PRRC2C: variants seen among roughly 807,000 people sequenced by gnomAD.
PRRC2C encodes the protein protein PRRC2C.
Under a neutral mutation model 317.2 loss-of-function variants are expected in PRRC2C, and 72 were observed. That is an observed-to-expected ratio of 0.23 (90% CI 0.19 to 0.28). The LOEUF is 0.28. Ranked by LOEUF, PRRC2C falls within the 10% of genes least tolerant of loss-of-function variation. The probability of loss-of-function intolerance (pLI) is 1.00; values close to 1 mark genes in which losing one functional copy is unlikely to be tolerated. For missense variants in PRRC2C, 3,074 were observed against 3,459.7 expected (o/e 0.89, Z 2.80); for synonymous variants, 1,296 against 1,205.9 (o/e 1.07, Z -1.55).
chr1:171,530,932 GACTT>G (rs573979524), intron 11 of PRRC2C, among the ~76,000 whole-genome samples: 74 of 152,240 alleles, frequency 4.9e-4, no homozygotes, highest in African/African-American at 1.8e-3. Context: ...TTTACACAAA[GACTT>G]ACGCATGAAT....
At chr1:171,538,104 G>A (rs1394886411) in intron 15 of PRRC2C, among the ~76,000 whole-genome samples, 2 of 152,080 alleles carry the variant, frequency 1.3e-5, no homozygotes, top group Admixed American at 1.3e-4. Flanking sequence ...GTTTCACCGT[G>A]TTAGCCAGGA....
At chr1:171,512,711 A>G in intron 2 of PRRC2C, 1 of 294,828 alleles carries the variant, frequency 3.4e-6, no homozygotes, top group Non-Finnish European at 6.3e-6. Flanking sequence ...TGAGTTTGAA[A>G]TAGATTCTCT....
chr1:171,590,850 TTAA>T (rs1258391103), intron 34 of PRRC2C, among the ~76,000 whole-genome samples: 1 of 152,158 alleles, frequency 6.6e-6, no homozygotes, highest in Non-Finnish European at 1.5e-5. Context: ...ACATTAGAGC[TTAA>T]TAGTAGTAAT....
In PRRC2C at chr1:171,541,835, G is replaced by C; in HGVS notation, c.4369G>C (p.Val1457Leu). 6.2e-7 allele frequency: 1 copy of C among 1,613,900 alleles called. No homozygotes were observed. Among genetic ancestry groups the C allele is most frequent in the Non-Finnish European group, 8.5e-7 (1 of 1,179,900 alleles). The change falls in exon 16 of 35, where the codon GTG becomes CTG. Residue 1457 changes from valine (V) to leucine (L), a missense_variant. Coordinates refer to ENST00000647382, the MANE Select transcript of PRRC2C (RefSeq NM_001387844.1). This position sits in a 1 kb window ranked among gnomAD's most constrained non-coding sequence, Gnocchi z 4.1. ...AASKSNEVVA[V>L]PTNGTVNNVA... ...TTCAAAATCAAATGAGGTGGTAGCA[G>C]TGCCCACAAATGGCACAGTTAATAA...
intron 4 of PRRC2C, 38 bp from the exon 5 acceptor site, chr1:171,515,695 TA>T: frequency 6.7e-7 from 1 of 1,497,250 alleles, no homozygotes; most frequent in Non-Finnish European, 9.0e-7. Context: ...ATCTTCAGTA[TA>T]AAAGTTACCT....
intron 31 of PRRC2C, 28 bp downstream of exon 31, chr1:171,587,249 A>T (rs748841632): frequency 1.3e-6 from 2 of 1,543,444 alleles, no homozygotes; most frequent in Non-Finnish European, 1.8e-6. Flanking sequence ...TGCACAGGTT[A>T]TTTGAGAATT....
At chr1:171,581,621 G>A (rs1323317344) in intron 28 of PRRC2C, among the ~76,000 whole-genome samples, 1 of 152,194 alleles carries the variant, frequency 6.6e-6, no homozygotes, top group Non-Finnish European at 1.5e-5. Flanking sequence ...TTCCTTGCTT[G>A]TTCCTTAACC....
chr1:171,539,536 T>G (rs1353966819), intron 15 of PRRC2C, among the ~76,000 whole-genome samples: 5 of 152,224 alleles, frequency 3.3e-5, no homozygotes, highest in African/African-American at 1.2e-4. Context: ...TACCTATACC[T>G]ATATTTCCTA....
intron 30 of PRRC2C, among the ~76,000 whole-genome samples, chr1:171,586,479 C>T (rs775031914): frequency 9.9e-5 from 15 of 151,714 alleles, no homozygotes; most frequent in Non-Finnish European, 1.9e-4. Flanking sequence ...ATTAGAGATA[C>T]TCAACTTGTC....
In PRRC2C at chr1:171,589,372, C is replaced by G. The variant is rs1449865893; in HGVS notation, c.8203C>G (p.Leu2735Val). The change falls in exon 34 of 35, where the codon CTC (leucine) becomes GTC (valine). Residue 2735 changes from leucine (L) to valine (V), a missense_variant. Physicochemically the swap from Leu to Val is conservative, Grantham distance 32 (BLOSUM62 1). This residue lies in a region of PRRC2C where 490 missense variants were observed against 663.1 expected (regional missense o/e 0.74). Transcript: ENST00000647382. ...ATGTTTTGTTTTTTTCACTCAGATT[C>G]TCTCCCAGCCTAACCTGGTCCCTCC... The part of the protein sequence containing the change: ...PFPTQFAPQI[L>V]SQPNLVPPLV... 8.2e-7 allele frequency: 1 copy of G among 1,226,046 alleles called. No homozygotes were observed. Among genetic ancestry groups the G allele is most frequent in the Non-Finnish European group, 1.1e-6 (1 of 942,778 alleles). 75.9% of individuals were successfully genotyped at this position (1,226,046 alleles called of 1,614,324 possible).
chr1:171,545,869 A>C (rs1292686682), intron 17 of PRRC2C, among the ~76,000 whole-genome samples, 182 bp downstream of exon 17: 1 of 152,136 alleles, frequency 6.6e-6, no homozygotes, highest in South Asian at 2.1e-4. Context: ...TTAAACTAAA[A>C]TAACTCCAGC....
At chr1:171,486,024 A>C (rs1309600830) in intron 1 of PRRC2C, among the ~76,000 whole-genome samples, 1 of 150,910 alleles carries the variant, frequency 6.6e-6, no homozygotes, top group African/African-American at 2.4e-5. Context: ...CCTAGACCCC[A>C]GTCCTGGCCC....
rs757021987 is a variant in PRRC2C at position 171,566,736 on chromosome 1, A to G, written c.6451A>G (p.Ser2151Gly). 6 of 1,613,820 alleles carry G rather than the reference A, an allele frequency of 3.7e-6. No homozygotes were observed. Among genetic ancestry groups the G allele is most frequent in the Admixed American group, 1.7e-5 (1 of 59,984 alleles). The change falls in exon 22 of 35, where the codon AGC (serine) becomes GGC (glycine). Residue 2151 changes from serine (S) to glycine (G), a missense_variant. Coordinates refer to ENST00000647382, the MANE Select transcript of PRRC2C (RefSeq NM_001387844.1). ...GAAACCAAGCCCAGCTACAGTCAGAAGCACAGATCCTGTCACGACAAAGGA... is the reference window on the plus strand; with the variant it reads ...GAAACCAAGCCCAGCTACAGTCAGAGGCACAGATCCTGTCACGACAAAGGA... ...QEKPSPATVR[S>G]TDPVTTKETK...
At chr1:171,554,186 C>T (rs1036608592) in intron 18 of PRRC2C, among the ~76,000 whole-genome samples, 80 of 152,222 alleles carry the variant, frequency 5.3e-4, no homozygotes, top group Middle Eastern at 3.4e-3. Flanking sequence ...GAATAGTTAC[C>T]TCTTCTTGTT....
intron 6 of PRRC2C, among the ~76,000 whole-genome samples, chr1:171,521,868 TTG>T (rs1470049902): frequency 6.6e-6 from 1 of 152,224 alleles, no homozygotes; most frequent in Non-Finnish European, 1.5e-5. Context: ...ACATATCTCA[TTG>T]ATACAGTTAC....
At position 171,573,919 on chromosome 1, in the gene PRRC2C, C is replaced by T. The variant is rs149737879; in HGVS notation, c.6754-1008C>T. On this transcript the variant is annotated intron_variant, in intron 24 of 34. Coordinates refer to ENST00000647382, the MANE Select transcript of PRRC2C (RefSeq NM_001387844.1). ...GTCTCGAACTTCTGACCTCGTGATC[C>T]GCCTGCCTCAGCCTCTCAAAGTGCT... Among the ~76,000 whole-genome samples, 10 of 151,918 alleles carry T rather than the reference C, an allele frequency of 6.6e-5. No individual in the cohort carries two copies. In the East Asian group the frequency reaches 9.7e-4, roughly 15 times the overall value.
At chr1:171,564,390 G>A (rs1055460101) in intron 20 of PRRC2C, among the ~76,000 whole-genome samples, 2 of 152,072 alleles carry the variant, frequency 1.3e-5, no homozygotes, top group African/African-American at 4.8e-5. Context: ...ATTTAAATAT[G>A]TACAAGTTCT....
At chr1:171,571,566 C>A in intron 24 of PRRC2C, 145 bp downstream of exon 24, 1 of 640,214 alleles carries the variant, frequency 1.6e-6, no homozygotes, top group Non-Finnish European at 2.7e-6. Flanking sequence ...CAAATTATAC[C>A]TTACAGTTTT....
chr1:171,579,731 T>C, intron 27 of PRRC2C, 97 bp from the exon 28 acceptor site: 1 of 1,373,358 alleles, frequency 7.3e-7, no homozygotes, highest in East Asian at 2.4e-5. Context: ...GTATTAATTT[T>C]ACTCTTTTCA....
Sources: allele counts gnomAD v4.1 joint callset (sites outside exome capture counted in the v4.1 genomes callset), GRCh38; gene constraint gnomAD v4.1.1; regional missense constraint gnomAD v4.1.1; non-coding constraint Gnocchi (gnomAD v3.1); transcripts MANE v1.5; gene names NCBI Gene and HGNC (gene_info 2026-07-23, HGNC 2026-07-21).